Variants in NEK7 observed in about 807,000 individuals in gnomAD.
NEK7 encodes the protein NIMA related kinase 7.
Under a neutral mutation model 44.6 loss-of-function variants are expected in NEK7, and 18 were observed. The observed-to-expected ratio is 0.40, with a 90% CI of 0.28 to 0.60. The LOEUF (loss-of-function observed/expected upper bound fraction) is 0.60. NEK7 is among the 20% of genes least tolerant of loss of function. The probability of loss-of-function intolerance (pLI) is 0.38; values close to 1 mark genes in which losing one functional copy is unlikely to be tolerated. For synonymous variants in NEK7, 130 were observed against 121.1 expected, an observed-to-expected ratio of 1.07 and a Z score of -0.48; for missense variants, 256 against 366.5, an observed-to-expected ratio of 0.70 and a Z score of 2.46.
chr1:198,252,542 A>G (rs1216186455), intron 2 of NEK7, among the ~76,000 whole-genome samples: 2 of 98,952 alleles, frequency 2.0e-5, no homozygotes, highest in East Asian at 8.5e-4. Flanking sequence ...ATATATATAT[A>G]TATATATATA....
chr1:198,224,411 A>G (rs757798704), intron 1 of NEK7, among the ~76,000 whole-genome samples: 1 of 152,186 alleles, frequency 6.6e-6, no homozygotes, highest in African/African-American at 2.4e-5. Context: ...AGTAGGCTAT[A>G]CCATTTAGGT....
chr1:198,163,209 T>C (rs1448631627), intron 1 of NEK7, among the ~76,000 whole-genome samples: 1 of 152,200 alleles, frequency 6.6e-6, no homozygotes, highest in Non-Finnish European at 1.5e-5. Context: ...TAAAGTGATA[T>C]GATACCGGCA....
chr1:198,277,917 A>C, intron 5 of NEK7, 44 bp from the exon 6 acceptor site: 1 of 1,164,142 alleles, frequency 8.6e-7, no homozygotes, highest in South Asian at 1.3e-5. Context: ...TCCAGTCTTG[A>C]GAAATTTTAG....
At chr1:198,163,419 C>G (rs1017494518) in intron 1 of NEK7, among the ~76,000 whole-genome samples, 54 of 151,874 alleles carry the variant, frequency 3.6e-4, no homozygotes, top group African/African-American at 1.1e-3. Context: ...TTGCTTGGGC[C>G]TGGAGGATGG....
chr1:198,256,577 C>A, intron 3 of NEK7: 1 of 1,380,978 alleles, frequency 7.2e-7, no homozygotes. Context: ...TCAGTGCTTC[C>A]CTTCCTGCTG....
intron 4 of NEK7, 29 bp downstream of exon 4, chr1:198,262,666 A>T (rs1396610937): frequency 7.4e-7 from 1 of 1,358,292 alleles, no homozygotes; most frequent in Non-Finnish European, 1.0e-6. Flanking sequence ...ACTCTTTTGA[A>T]CATAACATGG....
intron 1 of NEK7, among the ~76,000 whole-genome samples, chr1:198,185,881 A>G (rs1309576296): frequency 1.3e-5 from 2 of 152,214 alleles, no homozygotes; most frequent in Admixed American, 1.3e-4. Flanking sequence ...TGTCTTCCAG[A>G]TTAGTTGTCA....
intron 9 of NEK7, among the ~76,000 whole-genome samples, chr1:198,311,932 T>G (rs1276608370): frequency 2.6e-5 from 4 of 152,238 alleles, no homozygotes; most frequent in Admixed American, 6.5e-5. Flanking sequence ...GGCTTTGGTA[T>G]CAGGATGATG....
At chr1:198,158,863 G>A (rs1208515971) in intron 1 of NEK7, among the ~76,000 whole-genome samples, 1 of 152,118 alleles carries the variant, frequency 6.6e-6, no homozygotes, top group Non-Finnish European at 1.5e-5. Context: ...ATTTGGTCTC[G>A]CACGGGGAAC....
rs114726298 is a variant in NEK7, at chr1:198,221,374, A to G, written c.-28-11179A>G. Among the ~76,000 whole-genome samples, 306 of 151,976 alleles carry G rather than the reference A, an allele frequency of 2.0e-3. 8 individuals are homozygous for G. In the East Asian group the frequency reaches 0.046, roughly 23 times the overall value. The stretch of plus-strand genomic sequence containing the variant: ...ACCAGTCTTTAAATCTTTCTTCATT[A>G]AGTATATATAGAATGAAGTATTTTT... On this transcript the variant is annotated intron_variant, in intron 1 of 9. Transcript: ENST00000367385.
At chr1:198,269,545 T>G (rs1653771434) in intron 5 of NEK7, among the ~76,000 whole-genome samples, 1 of 152,162 alleles carries the variant, frequency 6.6e-6, no homozygotes, top group African/African-American at 2.4e-5. Context: ...ATGCTTGAAT[T>G]GTAATGAACA....
intron 2 of NEK7, among the ~76,000 whole-genome samples, chr1:198,247,727 AAG>A (rs1208377770): frequency 6.6e-6 from 1 of 150,930 alleles, no homozygotes; most frequent in Non-Finnish European, 1.5e-5. Context: ...TTTTTTTTTT[AAG>A]AGAAAACATT....
At chr1:198,309,577 A>G (rs191726250) in intron 9 of NEK7, among the ~76,000 whole-genome samples, 227 of 151,846 alleles carry the variant, frequency 1.5e-3, no homozygotes, top group Non-Finnish European at 2.6e-3. Flanking sequence ...ATATCTCCCA[A>G]TGCTATCCCT....
intron 2 of NEK7, among the ~76,000 whole-genome samples, chr1:198,239,029 C>T (rs909171017): frequency 6.6e-6 from 1 of 152,102 alleles, no homozygotes; most frequent in Admixed American, 6.6e-5. Context: ...GTTGAATCTG[C>T]GAATTCCCTA....
At chr1:198,199,877 TTTTG>T (rs1318062556) in intron 1 of NEK7, among the ~76,000 whole-genome samples, 5 of 152,174 alleles carry the variant, frequency 3.3e-5, no homozygotes, top group African/African-American at 4.8e-5. Context: ...GTTGGATAAT[TTTTG>T]TTTTTCAATT....
intron 1 of NEK7, among the ~76,000 whole-genome samples, chr1:198,169,214 A>G (rs1476533501): frequency 2.0e-5 from 3 of 152,212 alleles, no homozygotes; most frequent in Non-Finnish European, 2.9e-5. Flanking sequence ...ACTGGAAGGA[A>G]GGTCAATTTT....
intron 1 of NEK7, among the ~76,000 whole-genome samples, chr1:198,171,205 G>T (rs1473166193): frequency 6.6e-6 from 1 of 152,084 alleles, no homozygotes; most frequent in Admixed American, 6.6e-5. Flanking sequence ...TAAATAAATA[G>T]AACCCTCTGT....
At chr1:198,242,503 C>T (rs1182160228) in intron 2 of NEK7, among the ~76,000 whole-genome samples, 8 of 124,908 alleles carry the variant, frequency 6.4e-5, no homozygotes, top group African/African-American at 2.5e-4. Context: ...GACAGAGTTT[C>T]GCTCTGTTGC....
chr1:198,236,028 C>T (rs1363099495), intron 2 of NEK7, among the ~76,000 whole-genome samples: 2 of 152,090 alleles, frequency 1.3e-5, no homozygotes, highest in Non-Finnish European at 2.9e-5. Flanking sequence ...TATTTTGCAT[C>T]TCTGTGGAGT....
Sources: gnomAD v4.1 joint callset for allele counts (sites outside exome capture counted in the v4.1 genomes callset) on GRCh38, gnomAD v4.1.1 for gene constraint, MANE v1.5 for transcripts, NCBI Gene and HGNC (gene_info 2026-07-23, HGNC 2026-07-21) for gene names.